Variants in C16orf96 observed in about 807,000 individuals in gnomAD.
The protein encoded by C16orf96 is uncharacterized protein C16orf96.
In C16orf96, 108 loss-of-function variants were observed where a neutral mutation model predicts 103.6. The ratio of observed to expected loss-of-function variants is 1.04; its 90% CI spans 0.89 to 1.22. The LOEUF (loss-of-function observed/expected upper bound fraction) is 1.22, where lower values mean the gene tolerates loss of function less well. Ranked by LOEUF, C16orf96 falls within the 50% of genes most tolerant of loss-of-function variation. The pLI is 0.00. For synonymous variants in C16orf96, 566 were observed against 593.5 expected (o/e 0.95, Z 0.67); for missense variants, 1,586 against 1,464.2 (o/e 1.08, Z -1.36).
chr16:4,551,312 T>G, the C16orf96 span, among the ~76,000 whole-genome samples: 1 of 152,036 alleles, frequency 6.6e-6, no homozygotes, highest in Non-Finnish European at 1.5e-5. Flanking sequence ...CTTGATGAAT[T>G]TTCCCAAACT....
chr16:4,543,039 C>T, the C16orf96 span, among the ~76,000 whole-genome samples: 2 of 151,892 alleles, frequency 1.3e-5, no homozygotes, highest in Non-Finnish European at 2.9e-5. Flanking sequence ...AATAAAGCCC[C>T]ATCTCTGTCC....
chr16:4,556,224 T>C (rs2059260975), upstream of C16orf96, among the ~76,000 whole-genome samples: 1 of 152,196 alleles, frequency 6.6e-6, no homozygotes, highest in South Asian at 2.1e-4. Flanking sequence ...ACTGAGCACC[T>C]ACTCTGGGTG....
At chr16:4,571,087 G>C (rs1380368642) in intron 1 of C16orf96, among the ~76,000 whole-genome samples, 1 of 152,164 alleles carries the variant, frequency 6.6e-6, no homozygotes, top group Non-Finnish European at 1.5e-5. Flanking sequence ...TTGGGAGGTT[G>C]AGGCAGGAGA....
rs35207251 is a variant in C16orf96 at position 4,561,059 on chromosome 16, G to A, written c.420+4150G>A. 1,442 of 152,088 alleles carry A rather than the reference G, an allele frequency of 9.5e-3. 17 individuals are homozygous for A. Among genetic ancestry groups the A allele is most frequent in the Non-Finnish European group, 0.013 (894 of 68,016 alleles). The allele number at this position is 152,088 out of a possible 1,614,324, so 9.4% of individuals were successfully genotyped here. ...CCCAGCTACTTGGGAGGCTGAGAAC[G>A]GCTTGAACCTGGGAGGTGGAGGTTG... is the stretch of plus-strand genomic sequence containing the variant. On this transcript the variant is annotated intron_variant, in intron 1 of 15. Transcript: ENST00000444310.
the C16orf96 span, among the ~76,000 whole-genome samples, chr16:4,538,999 C>T: frequency 6.6e-6 from 1 of 152,204 alleles, no homozygotes; most frequent in South Asian, 2.1e-4. Flanking sequence ...GCCTCCTCTT[C>T]ACTCATGCCA....
rs1166483657 is a variant in C16orf96 at position 4,556,537 on chromosome 16, A to G, written c.48A>G (p.Pro16=). The G allele has an allele frequency of 6.5e-7, 1 of 1,544,902 alleles. No individual in the cohort carries two copies. Among genetic ancestry groups the G allele is most frequent in the South Asian group, 1.2e-5 (1 of 83,912 alleles). ...TFTELANIAI[P]QCGVLNFKAL... ...CCGAGCTGGCCAACATCGCCATCCC[A>G]CAGTGCGGGGTGCTGAACTTCAAGG... Residue 16 remains proline (P), a synonymous_variant, in exon 1 of 16, where the codon CCA becomes CCG. Transcript: ENST00000444310.
At chr16:4,588,424 A>G in intron 9 of C16orf96, 93 bp downstream of exon 9, 1 of 1,417,568 alleles carries the variant, frequency 7.1e-7, no homozygotes, top group African/African-American at 1.4e-5. Context: ...GTTTAGGAGG[A>G]GCAAGAATTT....
At position 4,574,661 on chromosome 16, in the gene C16orf96, T is replaced by G. The variant is rs1470841496; in HGVS notation, c.526-48T>G. 5 of 1,457,846 alleles carry G rather than the reference T, an allele frequency of 3.4e-6. No homozygotes were observed. The East Asian group carries it at 1.2e-4, about 36-fold the overall frequency. The allele number at this position is 1,457,846 out of a possible 1,614,324, so 90.3% of individuals were successfully genotyped here. Reference sequence around the variant, plus strand: ...CTAGAGCCACGGGAAAAGGCAGGGGTGGGACAGAACCTGGACCCCCAGTCC... The same window carrying G: ...CTAGAGCCACGGGAAAAGGCAGGGGGGGGACAGAACCTGGACCCCCAGTCC... On this transcript the variant is annotated intron_variant, in intron 2 of 15. Transcript: ENST00000444310.
intron 1 of C16orf96, among the ~76,000 whole-genome samples, chr16:4,563,372 C>G (rs1377143934): frequency 6.6e-6 from 1 of 152,118 alleles, no homozygotes; most frequent in Non-Finnish European, 1.5e-5. Flanking sequence ...ATCCTCCCAC[C>G]TCAACCTCCT....
At chr16:4,566,415 C>T (rs897860492) in intron 1 of C16orf96, among the ~76,000 whole-genome samples, 1 of 152,168 alleles carries the variant, frequency 6.6e-6, no homozygotes, top group Non-Finnish European at 1.5e-5. Context: ...ATTTTCATTT[C>T]CCTGATGACG....
At position 4,593,274 on chromosome 16, in the gene C16orf96, CCAGCGCCAACAGCTGCGAGTACTTG is replaced by C. The variant is rs764995833; in HGVS notation, c.2831_2855del (p.Ala944GlyfsTer4). 6.4e-7 allele frequency: 1 copy of C among 1,550,916 alleles called. No homozygotes were observed. The highest frequency in any genetic ancestry group is 1.4e-5 in the African/African-American group (1 of 73,014). ...CACCTGCTGTCCCGGCTGCGGCCAG[CCAGCGCCAACAGCTGCGAGTACTTG>C]CAGCGGCAACAGATGAGGTGAGCAG... On this transcript the variant is annotated frameshift_variant, in exon 12 of 16. Transcript: ENST00000444310. LOFTEE classifies it high-confidence loss of function. This position sits in a 1 kb window ranked among gnomAD's most constrained non-coding sequence, Gnocchi z 4.2.
At chr16:4,589,633 A>G (rs1422300085) in intron 9 of C16orf96, among the ~76,000 whole-genome samples, 1 of 152,050 alleles carries the variant, frequency 6.6e-6, no homozygotes, top group African/African-American at 2.4e-5. Context: ...CAGAACAACC[A>G]AAAGCAACAC....
In C16orf96 at chr16:4,575,052, C is replaced by A; in HGVS notation, c.687C>A (p.Phe229Leu). Residue 229 changes from phenylalanine (F) to leucine (L), a missense_variant, in exon 4 of 16, where the codon TTC becomes TTA. Transcript: ENST00000444310. ...VLWSGLHDAMFTSEIGSSPLD... is the reference protein window; with the variant it reads ...VLWSGLHDAMLTSEIGSSPLD... ...GGAGTGGCCTTCATGATGCCATGTTCACCTCAGTGAGTGAGGAAGGAAGGG... is the reference window on the plus strand; with the variant it reads ...GGAGTGGCCTTCATGATGCCATGTTAACCTCAGTGAGTGAGGAAGGAAGGG... The A allele has an allele frequency of 6.4e-7, 1 of 1,551,426 alleles. No individual in the cohort carries two copies. The highest frequency in any genetic ancestry group is 1.2e-5 in the South Asian group (1 of 84,064).
chr16:4,582,625 G>T (rs1400318261), intron 7 of C16orf96, among the ~76,000 whole-genome samples: 1 of 152,096 alleles, frequency 6.6e-6, no homozygotes, highest in African/African-American at 2.4e-5. Context: ...CTCAGACTGT[G>T]CACCACTGGC....
intron 8 of C16orf96, among the ~76,000 whole-genome samples, chr16:4,587,653 C>T (rs1201341424): frequency 2.0e-5 from 3 of 151,424 alleles, no homozygotes; most frequent in Non-Finnish European, 4.4e-5. Flanking sequence ...CACACATCAG[C>T]TGTGCACAGG....
chr16:4,594,537 A>G, intron 13 of C16orf96, 27 bp downstream of exon 13: 1 of 1,548,044 alleles, frequency 6.5e-7, no homozygotes, highest in African/African-American at 1.4e-5. Flanking sequence ...CCTCCTTCTC[A>G]GAGGGTGGAC....
rs1426088526 is a variant in C16orf96 at position 4,576,326 on chromosome 16, C to T, written c.1846C>T (p.Pro616Ser). The T allele has an allele frequency of 5.8e-6, 9 of 1,550,644 alleles. 1 individual carries two copies. Among genetic ancestry groups the T allele is most frequent in the Non-Finnish European group, 7.8e-6 (9 of 1,146,988 alleles). The change falls in exon 5 of 16, where the codon CCC becomes TCC. Residue 616 changes from proline (P) to serine (S), a missense_variant. Coordinates refer to ENST00000444310, the MANE Select transcript of C16orf96 (RefSeq NM_001145011.2). ...AIATDTAAAGPLGVFADVLGA... is the reference protein window; with the variant it reads ...AIATDTAAAGSLGVFADVLGA... ...TGCAACAGACACGGCTGCAGCTGGGCCCCTAGGGGTCTTTGCAGATGTCCT... is the reference window on the plus strand; with the variant it reads ...TGCAACAGACACGGCTGCAGCTGGGTCCCTAGGGGTCTTTGCAGATGTCCT...
intron 1 of C16orf96, among the ~76,000 whole-genome samples, chr16:4,563,767 C>G (rs1355727696): frequency 6.6e-6 from 1 of 151,140 alleles, no homozygotes; most frequent in African/African-American, 2.4e-5. Flanking sequence ...CGGGGTTTCA[C>G]CATGTTGGCC....
chr16:4,591,836 GGGGAA>G, intron 10 of C16orf96, 52 bp downstream of exon 10: 1 of 1,351,786 alleles, frequency 7.4e-7, no homozygotes, highest in Non-Finnish European at 1.0e-6. Flanking sequence ...CCCAGGCTGT[GGGGAA>G]CACACCCTGG....
Sources: allele counts gnomAD v4.1 joint callset (sites outside exome capture counted in the v4.1 genomes callset), GRCh38; gene constraint gnomAD v4.1.1; non-coding constraint Gnocchi (gnomAD v3.1); transcripts MANE v1.5; gene names NCBI Gene and HGNC (gene_info 2026-07-23, HGNC 2026-07-21).